TACC2: variants seen among roughly 807,000 people sequenced by gnomAD.
TACC2 encodes the protein transforming acidic coiled-coil-containing protein 2.
Under a neutral mutation model 227.3 loss-of-function variants are expected in TACC2, and 137 were observed. That is an observed-to-expected ratio of 0.60 (90% CI 0.52 to 0.69). The LOEUF is 0.69. TACC2 is among the 30% of genes least tolerant of loss of function. The pLI is 0.00. For missense variants in TACC2, 3,470 were observed against 3,694.4 expected (o/e 0.94, Z 1.57); for synonymous variants, 1,523 against 1,487.5 (o/e 1.02, Z -0.55).
rs1106992 is a variant in TACC2 at position 122,086,382 on chromosome 10, G to C, written c.3882G>C (p.Leu1294=). 362,204 of 1,613,310 alleles carry C rather than the reference G, an allele frequency of 0.22. 42,201 individuals are homozygous for C. The highest frequency in any genetic ancestry group is 0.33 in the African/African-American group (24,914 of 74,978). Residue 1294 remains leucine, a synonymous_variant, in exon 4 of 23, where the codon CTG becomes CTC. Coordinates refer to ENST00000369005, the MANE Select transcript of TACC2 (RefSeq NM_206862.4). The part of the protein sequence containing the change: ...LKLFAGSLAP[L]LQPGAAGGEI... Reference sequence around the variant, plus strand: ...TGTTTGCTGGCTCCCTCGCCCCCCTGTTGCAACCAGGAGCTGCAGGTGGGG... The same window carrying C: ...TGTTTGCTGGCTCCCTCGCCCCCCTCTTGCAACCAGGAGCTGCAGGTGGGG...
rs139245973 is a variant in TACC2 at position 122,145,308 on chromosome 10, T to C, written c.5834+1602T>C. ...GAAAGGATCAACAAATTGTGGTATA[T>C]CTATGCCAAGGAATATTACTCACCC... On this transcript the variant is annotated intron_variant, in intron 7 of 22. Coordinates refer to ENST00000369005, the MANE Select transcript of TACC2 (RefSeq NM_206862.4). Among the ~76,000 whole-genome samples, 878 of 152,308 alleles carry C rather than the reference T, an allele frequency of 5.8e-3. 9 individuals carry two copies. Among genetic ancestry groups the C allele is most frequent in the African/African-American group, 0.019 (786 of 41,586 alleles).
chr10:122,165,433 A>T (rs946250435), intron 7 of TACC2, among the ~76,000 whole-genome samples: 3 of 152,204 alleles, frequency 2.0e-5, no homozygotes, highest in African/African-American at 7.2e-5. Flanking sequence ...CAGTCATTGG[A>T]AATTCAGCTC....
intron 3 of TACC2, among the ~76,000 whole-genome samples, chr10:122,062,784 CT>C (rs2136462056): frequency 6.6e-6 from 1 of 152,284 alleles, no homozygotes; most frequent in South Asian, 2.1e-4. Context: ...ACTAAATGGG[CT>C]TTAAATGGAA....
chr10:122,249,696 G>A (rs1456521283), intron 22 of TACC2, 32 bp downstream of exon 22: 1 of 1,592,746 alleles, frequency 6.3e-7, no homozygotes, highest in East Asian at 2.3e-5. Flanking sequence ...CTCCAGGTGG[G>A]CCGGGCTGCT....
chr10:122,099,841 G>A (rs955911514), intron 5 of TACC2, among the ~76,000 whole-genome samples: 4 of 152,208 alleles, frequency 2.6e-5, no homozygotes, highest in South Asian at 2.1e-4. Flanking sequence ...TATGTGTTAG[G>A]AACTACCAGG....
chr10:122,239,549 T>A (rs2095938086), intron 18 of TACC2, among the ~76,000 whole-genome samples: 1 of 152,182 alleles, frequency 6.6e-6, no homozygotes, highest in East Asian at 1.9e-4. Context: ...ACCTCTTTGT[T>A]TTTTCTCTTA....
chr10:122,014,131 G>A (rs80144153), intron 1 of TACC2, among the ~76,000 whole-genome samples: 9,330 of 152,204 alleles, frequency 0.061, 388 homozygotes, highest in South Asian at 0.13. Context: ...TCATTACTAG[G>A]CTGTACTAAC....
At chr10:122,040,260 AG>A (rs2074083803) in intron 2 of TACC2, among the ~76,000 whole-genome samples, 1 of 152,216 alleles carries the variant, frequency 6.6e-6, no homozygotes, top group South Asian at 2.1e-4. Flanking sequence ...CACCCAGCCA[AG>A]GGGGGCATCA....
rs1428360292 is a variant in TACC2, at chr10:122,180,499, G to A, written c.5835-14541G>A. 1.3e-5 allele frequency among the ~76,000 whole-genome samples: 2 copies of A among 151,806 alleles called. No homozygotes were observed. Among genetic ancestry groups the A allele is most frequent in the African/African-American group, 2.4e-5 (1 of 41,334 alleles). ...ACTACAGGCGCCCGCCACCACACCC[G>A]GCTAATTTTTTTGTGTTTTTGGTAG... On this transcript the variant is annotated intron_variant, in intron 7 of 22. Coordinates refer to ENST00000369005, the MANE Select transcript of TACC2 (RefSeq NM_206862.4). This position sits in a 1 kb window ranked among gnomAD's most constrained non-coding sequence, Gnocchi z 4.5.
chr10:122,138,096 T>A (rs140311739), intron 6 of TACC2, among the ~76,000 whole-genome samples: 298 of 152,310 alleles, frequency 2.0e-3, no homozygotes, highest in Middle Eastern at 0.01. Context: ...GTAGTTTATT[T>A]TTTTTTTTTC....
intron 3 of TACC2, among the ~76,000 whole-genome samples, chr10:122,061,831 T>C (rs1399250768): frequency 6.6e-6 from 1 of 151,914 alleles, no homozygotes; most frequent in African/African-American, 2.4e-5. Context: ...AGAGAGGGGC[T>C]GGCTCTGCTG....
At chr10:122,131,583 C>G (rs1023474474) in intron 5 of TACC2, among the ~76,000 whole-genome samples, 3 of 152,194 alleles carry the variant, frequency 2.0e-5, no homozygotes, top group Non-Finnish European at 4.4e-5. Context: ...TGAAATAAAA[C>G]TCAAGGCTGG....
chr10:122,132,066 A>AAGAAAGAAAGAAGG (rs1555059146), intron 5 of TACC2, among the ~76,000 whole-genome samples: 1 of 58,250 alleles, frequency 1.7e-5, no homozygotes, highest in African/African-American at 6.9e-5. Context: ...GAAAGAAAGA[A>AAGAAAGAAAGAAGG]AAAGAAAGAA....
At chr10:122,219,945 G>A (rs184596877) in intron 11 of TACC2, among the ~76,000 whole-genome samples, 1 of 152,064 alleles carries the variant, frequency 6.6e-6, no homozygotes, top group East Asian at 1.9e-4. Context: ...GGCTGAGGCA[G>A]GAGAATCGCT....
chr10:122,063,658 C>T (rs1274374033), intron 3 of TACC2, among the ~76,000 whole-genome samples: 1 of 152,032 alleles, frequency 6.6e-6, no homozygotes, highest in East Asian at 1.9e-4. Context: ...ATGCTCCTAC[C>T]ATATGCAGAC....
At chr10:122,199,186 T>C (rs969319677) in intron 8 of TACC2, among the ~76,000 whole-genome samples, 1 of 152,232 alleles carries the variant, frequency 6.6e-6, no homozygotes, top group Admixed American at 6.5e-5. Context: ...CAGGCACTGA[T>C]TGTGGCACTG....
rs2080269616 is a variant in TACC2 at position 122,087,959 on chromosome 10, G to T, written c.5459G>T (p.Arg1820Ile). 6.7e-7 allele frequency: 1 copy of T among 1,497,528 alleles called. No individual in the cohort carries two copies. Among genetic ancestry groups the T allele is most frequent in the South Asian group, 1.4e-5 (1 of 70,362 alleles). 92.8% of individuals were successfully genotyped at this position (1,497,528 alleles called of 1,614,324 possible). The stretch of plus-strand genomic sequence containing the variant: ...GCTCCAGAAGAGCTCCACACTGACA[G>T]GTACTTAAATGAAAAAATTCCCACG... ...HLAPEELHTD[R>I]ESPRPGPSML... The change falls in exon 4 of 23, where the codon AGA (arginine) becomes ATA (isoleucine). Residue 1820 changes from arginine (R) to isoleucine (I), a missense_variant and splice_region_variant. By Grantham distance (97) the Arg-to-Ile change is moderately conservative (BLOSUM62 -3). This residue lies in a region of TACC2 where 1,924 missense variants were observed against 1,978.3 expected (regional missense o/e 0.97). Coordinates refer to ENST00000369005, the MANE Select transcript of TACC2 (RefSeq NM_206862.4).
chr10:122,090,915 A>G (rs1565281848), intron 5 of TACC2, among the ~76,000 whole-genome samples: 1 of 151,896 alleles, frequency 6.6e-6, no homozygotes, highest in African/African-American at 2.4e-5. Flanking sequence ...CTTATTTTTA[A>G]TTTTTTGTAG....
chr10:122,196,231 A>G (rs2094563727), intron 8 of TACC2, among the ~76,000 whole-genome samples: 1 of 152,248 alleles, frequency 6.6e-6, no homozygotes, highest in South Asian at 2.1e-4. Flanking sequence ...AATTCTTTTT[A>G]TCCGCCGTGG....
Sources: gnomAD v4.1 joint callset for allele counts (sites outside exome capture counted in the v4.1 genomes callset) on GRCh38, gnomAD v4.1.1 for gene constraint, gnomAD v4.1.1 regional missense constraint, Gnocchi (gnomAD v3.1) non-coding constraint, MANE v1.5 for transcripts, NCBI Gene and HGNC (gene_info 2026-07-23, HGNC 2026-07-21) for gene names.